The following PARN variants were observed in gnomAD, a reference collection of about 807,000 sequenced individuals.
PARN encodes poly(A)-specific ribonuclease, also known as poly(A)-specific ribonuclease PARN.
In PARN, 71 loss-of-function variants were observed where a neutral mutation model predicts 102.8. That is an observed-to-expected ratio of 0.69 (90% CI 0.57 to 0.84). PARN has a LOEUF of 0.84. PARN is among the 40% of genes least tolerant of loss of function. The probability of loss-of-function intolerance (pLI) is 0.00; values close to 1 mark genes in which losing one functional copy is unlikely to be tolerated. For missense variants in PARN, 782 were observed against 760.9 expected (o/e 1.03, Z -0.33); for synonymous variants, 261 against 252.9 (o/e 1.03, Z -0.30).
At chr16:14,568,345 T>C (rs977078262) in intron 18 of PARN, among the ~76,000 whole-genome samples, 1 of 151,098 alleles carries the variant, frequency 6.6e-6, no homozygotes, top group African/African-American at 2.4e-5. Context: ...CCCGAGTAGC[T>C]GGGACTACAG....
Position 14,629,582 on chromosome 16 carries a change from G to T in PARN, c.97+15C>A. ...CACTGCAAAGTGCTAGCCTGAGCTT[G>T]CAAGGGAGGGATACCTGAAAACTCC... On this transcript the variant is annotated intron_variant, in intron 2 of 23. Transcript: ENST00000437198. 3.1e-6 allele frequency: 5 copies of T among 1,594,272 alleles called. No individual in the cohort carries two copies. Among genetic ancestry groups the T allele is most frequent in the Non-Finnish European group, 4.3e-6 (5 of 1,161,924 alleles).
intron 18 of PARN, among the ~76,000 whole-genome samples, chr16:14,570,049 G>A (rs1017689752): frequency 6.6e-6 from 1 of 152,136 alleles, no homozygotes; most frequent in Non-Finnish European, 1.5e-5. Context: ...TTTTGAAATA[G>A]GAAAGAGGAG....
chr16:14,534,465 C>T (rs1250601567), intron 21 of PARN, among the ~76,000 whole-genome samples: 3 of 152,056 alleles, frequency 2.0e-5, no homozygotes, highest in Admixed American at 6.6e-5. Flanking sequence ...CTTCAATATG[C>T]ACTAAAAGCG....
chr16:14,487,710 G>C (rs117520861), intron 21 of PARN, among the ~76,000 whole-genome samples: 4,444 of 152,340 alleles, frequency 0.029, 95 homozygotes, highest in Non-Finnish European at 0.048. Context: ...AACAGTGGTT[G>C]TGAGAGCCTG....
intron 10 of PARN, among the ~76,000 whole-genome samples, chr16:14,605,733 C>T (rs979431447): frequency 5.3e-5 from 8 of 152,196 alleles, no homozygotes; most frequent in Non-Finnish European, 1.0e-4. Flanking sequence ...AAGGAACCCA[C>T]CACTAGCCAC....
At chr16:14,543,931 A>T (rs1966856909) in intron 21 of PARN, among the ~76,000 whole-genome samples, 1 of 152,248 alleles carries the variant, frequency 6.6e-6, no homozygotes, top group Non-Finnish European at 1.5e-5. Flanking sequence ...ACGGTGGCTC[A>T]CGCCTGTAAT....
intron 22 of PARN, among the ~76,000 whole-genome samples, chr16:14,468,050 A>T (rs1424783326): frequency 1.3e-5 from 2 of 152,216 alleles, no homozygotes; most frequent in Non-Finnish European, 2.9e-5. Flanking sequence ...TCCCAAAGGC[A>T]AAGAATTCCC....
chr16:14,447,144 A>C (rs1045045227), intron 22 of PARN, 63 bp from the exon 23 acceptor site: 1 of 1,089,746 alleles, frequency 9.2e-7, no homozygotes, highest in Non-Finnish European at 1.3e-6. Context: ...CTAGTCTATA[A>C]AAATATTTTA....
intron 20 of PARN, among the ~76,000 whole-genome samples, chr16:14,552,877 G>A (rs935570460): frequency 6.6e-6 from 1 of 152,056 alleles, no homozygotes; most frequent in Admixed American, 6.6e-5. Context: ...GAACCTGGGA[G>A]GCGGAGGTTG....
chr16:14,603,683 A>T (rs2151786586), intron 11 of PARN, among the ~76,000 whole-genome samples: 1 of 152,286 alleles, frequency 6.6e-6, no homozygotes, highest in East Asian at 1.9e-4. Context: ...CAGCTTAACT[A>T]GTCTCCTGCC....
chr16:14,528,934 C>A (rs922883949), intron 21 of PARN, among the ~76,000 whole-genome samples: 1 of 152,152 alleles, frequency 6.6e-6, no homozygotes, highest in African/African-American at 2.4e-5. Flanking sequence ...AGGTAGAGAT[C>A]TTTCCCTGCA....
chr16:14,584,679 C>G, intron 15 of PARN, 70 bp downstream of exon 15: 1 of 1,075,890 alleles, frequency 9.3e-7, no homozygotes, highest in Non-Finnish European at 1.4e-6. Context: ...TGCCAGAAGG[C>G]TATATTGTTC....
At chr16:14,455,214 C>CA (rs1426779243) in intron 22 of PARN, among the ~76,000 whole-genome samples, 1 of 152,188 alleles carries the variant, frequency 6.6e-6, no homozygotes, top group Non-Finnish European at 1.5e-5. Flanking sequence ...AAGAGTTGGT[C>CA]AAACTCTTCA....
At chr16:14,577,699 C>T (rs907918718) in intron 18 of PARN, among the ~76,000 whole-genome samples, 6 of 152,090 alleles carry the variant, frequency 3.9e-5, no homozygotes, top group Non-Finnish European at 8.8e-5. Flanking sequence ...TAGAGTCTCA[C>T]TCTTGTTGCC....
At position 14,566,700 on chromosome 16, in the gene PARN, T is replaced by G. The variant is rs188127709; in HGVS notation, c.1263-10991A>C. Among the ~76,000 whole-genome samples the G allele has an allele frequency of 2.9e-3, 444 of 152,314 alleles. 1 individual carries two copies. Among genetic ancestry groups the G allele is most frequent in the Non-Finnish European group, 5.0e-3 (342 of 68,026 alleles). On this transcript the variant is annotated intron_variant, in intron 18 of 23. Transcript: ENST00000437198. Reference sequence around the variant, plus strand: ...ACTGATTTCCTTTTACCTCAACAAGTTATTTTAAATTATAATAATAAACAA... The same window carrying G: ...ACTGATTTCCTTTTACCTCAACAAGGTATTTTAAATTATAATAATAAACAA...
chr16:14,443,348 T>TC (rs1361733768), intron 23 of PARN, among the ~76,000 whole-genome samples: 3 of 151,830 alleles, frequency 2.0e-5, no homozygotes, highest in African/African-American at 7.3e-5. Flanking sequence ...TACTTTTTTT[T>TC]TTTTTTTTTG....
intron 21 of PARN, among the ~76,000 whole-genome samples, chr16:14,507,326 CAA>C (rs1436799416): frequency 2.3e-5 from 3 of 133,238 alleles, no homozygotes; most frequent in Admixed American, 7.6e-5. Context: ...AATTCGGTCT[CAA>C]AAAAAAAAAA....
intron 21 of PARN, chr16:14,501,769 A>G (rs189866606): frequency 1.3e-5 from 2 of 152,272 alleles, no homozygotes; most frequent in Non-Finnish European, 2.9e-5. Context: ...TCTGCCCACA[A>G]GCACACTCTT....
intron 21 of PARN, among the ~76,000 whole-genome samples, chr16:14,528,970 C>T (rs2151664866): frequency 6.6e-6 from 1 of 152,306 alleles, no homozygotes; most frequent in Admixed American, 6.5e-5. Context: ...AACATTTTCT[C>T]TTTACAGAAA....
Sources: allele counts gnomAD v4.1 joint callset (sites outside exome capture counted in the v4.1 genomes callset), GRCh38; gene constraint gnomAD v4.1.1; transcripts MANE v1.5; gene names NCBI Gene and HGNC (gene_info 2026-07-23, HGNC 2026-07-21).